FXYD6: variants seen among roughly 807,000 people sequenced by gnomAD.
FXYD6 encodes FXYD domain containing ion transport regulator 6.
In FXYD6, 7 loss-of-function variants were observed where a neutral mutation model predicts 16.7. The observed-to-expected ratio is 0.42, with a 90% CI of 0.24 to 0.79. FXYD6 has a LOEUF of 0.79. Among genes scored for constraint, FXYD6 ranks in the 30% least tolerant of loss-of-function variants. FXYD6 has a pLI of 0.28. For synonymous variants in FXYD6, 49 were observed against 43.0 expected (o/e 1.14, Z -0.54); for missense variants, 111 against 116.2 (o/e 0.95, Z 0.21).
intron 4 of FXYD6, 117 bp downstream of exon 4, chr11:117,841,674 G>A: frequency 8.0e-6 from 9 of 1,130,346 alleles, no homozygotes; most frequent in Non-Finnish European, 1.2e-5. Context: ...TAACACGGAG[G>A]GCAGGCAGCC....
At chr11:117,853,378 C>T (rs1040829072) in intron 1 of FXYD6, among the ~76,000 whole-genome samples, 2 of 152,234 alleles carry the variant, frequency 1.3e-5, no homozygotes, top group East Asian at 1.9e-4. Context: ...GGCTTCCCAA[C>T]CTTGCTGGAC....
chr11:117,847,881 G>A (rs1366283900), intron 1 of FXYD6, among the ~76,000 whole-genome samples: 1 of 152,204 alleles, frequency 6.6e-6, no homozygotes, highest in Admixed American at 6.5e-5. Flanking sequence ...TATATACCCA[G>A]TAATGGGATG....
At chr11:117,861,565 G>C (rs1229250387) in intron 1 of FXYD6, among the ~76,000 whole-genome samples, 1 of 152,280 alleles carries the variant, frequency 6.6e-6, no homozygotes, top group African/African-American at 2.4e-5. Context: ...ACGGAGCTGA[G>C]TGCAGCCTGG....
At chr11:117,842,316 G>T in intron 2 of FXYD6, 1 of 575,558 alleles carries the variant, frequency 1.7e-6, no homozygotes, top group Non-Finnish European at 3.1e-6. Context: ...CAGAAGGCAG[G>T]GTCAGTTTTC....
intron 1 of FXYD6, among the ~76,000 whole-genome samples, chr11:117,863,320 A>G (rs962726916): frequency 2.6e-5 from 4 of 152,186 alleles, no homozygotes; most frequent in African/African-American, 9.7e-5. Flanking sequence ...CAAGCAATAT[A>G]ATATACCACA....
At chr11:117,863,139 C>T (rs1011087141) in intron 1 of FXYD6, among the ~76,000 whole-genome samples, 3 of 152,312 alleles carry the variant, frequency 2.0e-5, no homozygotes, top group East Asian at 1.9e-4. Context: ...CAAGGCCCAA[C>T]AGCTAACAAA....
At chr11:117,858,655 CTTTCTT>C (rs2056803765) in intron 1 of FXYD6, among the ~76,000 whole-genome samples, 1 of 75,698 alleles carries the variant, frequency 1.3e-5, no homozygotes, top group African/African-American at 6.1e-5. Context: ...TTCTTTCTTT[CTTTCTT>C]TCTTTCTTTC....
rs1480739216 is a variant in FXYD6, at chr11:117,872,002, C to G, written c.-6+4590G>C. Among the ~76,000 whole-genome samples, 1 of 152,176 alleles carries G rather than the reference C, an allele frequency of 6.6e-6. No individual in the cohort carries two copies. Among genetic ancestry groups the G allele is most frequent in the Non-Finnish European group, 1.5e-5 (1 of 68,028 alleles). ...TGCAGAGGTGGCTGCAGCCAGGTCA[C>G]GCTGAGCCTGGAGTGCCTACACCAT... On this transcript the variant is annotated intron_variant, in intron 1 of 7. Coordinates refer to ENST00000526014, the MANE Select transcript of FXYD6 (RefSeq NM_022003.4). This position sits in a 1 kb window ranked among gnomAD's most constrained non-coding sequence, Gnocchi z 4.9.
At chr11:117,862,320 C>CGGCTGCCTCAGCCTTCTGAGGTGGA (rs2056925019) in intron 1 of FXYD6, among the ~76,000 whole-genome samples, 1 of 152,208 alleles carries the variant, frequency 6.6e-6, no homozygotes, top group African/African-American at 2.4e-5. Context: ...TCTGAGGCCT[C>CGGCTGCCTCAGCCTTCTGAGGTGGA]GGCTGCCCTG....
rs1290932694 is a variant in FXYD6 at position 117,874,023 on chromosome 11, T to C, written c.-6+2569A>G. Among the ~76,000 whole-genome samples the C allele has an allele frequency of 1.3e-5, 2 of 152,112 alleles. 1 individual carries two copies. The highest frequency in any genetic ancestry group is 2.9e-5 in the Non-Finnish European group (2 of 68,022). ...AAAGCAAGGGTTGCAGGACAGGCAG[T>C]GTGAAGGCCAAAATCCTGGCCGAGG... On this transcript the variant is annotated intron_variant, in intron 1 of 7. Coordinates refer to ENST00000526014, the MANE Select transcript of FXYD6 (RefSeq NM_022003.4).
chr11:117,858,012 T>C (rs1376241708), intron 1 of FXYD6, among the ~76,000 whole-genome samples: 1 of 152,200 alleles, frequency 6.6e-6, no homozygotes, highest in Non-Finnish European at 1.5e-5. Context: ...TTTATTTTTA[T>C]GGGAATTAAG....
intron 1 of FXYD6, among the ~76,000 whole-genome samples, chr11:117,871,500 G>A (rs963896844): frequency 2.0e-5 from 3 of 152,166 alleles, no homozygotes; most frequent in Non-Finnish European, 2.9e-5. Context: ...CTAAAATGCA[G>A]GTGTGTGCTC....
At chr11:117,858,731 T>C (rs868078717) in intron 1 of FXYD6, among the ~76,000 whole-genome samples, 23 of 60,240 alleles carry the variant, frequency 3.8e-4, no homozygotes, top group African/African-American at 1.4e-3. Context: ...TTCCCTTCCT[T>C]CCTTCCTTCC....
intron 1 of FXYD6, among the ~76,000 whole-genome samples, chr11:117,852,715 T>G (rs2134162695): frequency 6.6e-6 from 1 of 152,360 alleles, no homozygotes; most frequent in African/African-American, 2.4e-5. Context: ...ATATGGCCTC[T>G]CCTCCATTCT....
Position 117,838,070 on chromosome 11 carries a change from A to G in FXYD6, c.*229T>C. 1.5e-6 allele frequency: 1 copy of G among 669,586 alleles called. No homozygotes were observed. The highest frequency in any genetic ancestry group is 2.7e-6 in the Non-Finnish European group (1 of 367,290). 41.5% of individuals were successfully genotyped at this position (669,586 alleles called of 1,614,324 possible). On this transcript the variant is annotated 3_prime_UTR_variant, in exon 8 of 8. Coordinates refer to ENST00000526014, the MANE Select transcript of FXYD6 (RefSeq NM_022003.4). ...ACACACACACACACACACACACATC[A>G]CGGGAGGTGGGCAGGACCGCAGGCT... is the stretch of plus-strand genomic sequence containing the variant.
chr11:117,857,229 T>C (rs1391264414), intron 1 of FXYD6, among the ~76,000 whole-genome samples: 1 of 152,136 alleles, frequency 6.6e-6, no homozygotes, highest in Admixed American at 6.5e-5. Flanking sequence ...ATGCTCACTC[T>C]CTCACACAGG....
chr11:117,840,518 T>A, intron 5 of FXYD6, 150 bp from the exon 6 acceptor site: 2 of 996,198 alleles, frequency 2.0e-6, no homozygotes, highest in Non-Finnish European at 3.0e-6. Context: ...GTGGGATGCA[T>A]GGGACAGAGG....
Position 117,842,715 on chromosome 11 carries a change from T to G in FXYD6, c.58+4A>C. On this transcript the variant is annotated splice_donor_region_variant and intron_variant, in intron 2 of 7. Transcript: ENST00000526014. ...TCACAGCCAGGTCCCAGAGGGGTACTTACCACTGGCCAGGACCATGGGGGC... is the reference window on the plus strand; with the variant it reads ...TCACAGCCAGGTCCCAGAGGGGTACGTACCACTGGCCAGGACCATGGGGGC... 1 of 1,564,188 alleles carries G rather than the reference T, an allele frequency of 6.4e-7. No homozygotes were observed. The highest frequency in any genetic ancestry group is 1.2e-5 in the South Asian group (1 of 84,796).
chr11:117,838,273 A>G lies in FXYD6; in HGVS notation c.*26T>C. ...GGTTCAAGCAGCCGCCTCAGGTTCC[A>G]GAGGCTGAGGAGGAGGATAATTTAA... On this transcript the variant is annotated 3_prime_UTR_variant, in exon 8 of 8. Coordinates refer to ENST00000526014, the MANE Select transcript of FXYD6 (RefSeq NM_022003.4). The G allele has an allele frequency of 1.4e-6, 1 of 702,596 alleles. No homozygotes were observed. The highest frequency in any genetic ancestry group is 2.6e-6 in the Non-Finnish European group (1 of 385,004). The allele number at this position is 702,596 out of a possible 1,614,324, so 43.5% of individuals were successfully genotyped here.
Sources: gnomAD v4.1 joint callset for allele counts (sites outside exome capture counted in the v4.1 genomes callset) on GRCh38, gnomAD v4.1.1 for gene constraint, Gnocchi (gnomAD v3.1) non-coding constraint, MANE v1.5 for transcripts, NCBI Gene and HGNC (gene_info 2026-07-23, HGNC 2026-07-21) for gene names.